EPB41L4A: variants seen among roughly 807,000 people sequenced by gnomAD.
The protein encoded by EPB41L4A is band 4.1-like protein 4A.
A neutral mutation model predicts 108.6 loss-of-function variants in EPB41L4A; 100 were observed. The observed-to-expected ratio is 0.92, with a 90% confidence interval of 0.78 to 1.09. The LOEUF is 1.09. EPB41L4A is among the 50% of genes least tolerant of loss of function. EPB41L4A has a pLI of 0.00. For missense variants in EPB41L4A, 1,030 were observed against 842.7 expected, an observed-to-expected ratio of 1.22 and a Z score of -2.75; for synonymous variants, 319 against 289.0, an observed-to-expected ratio of 1.10 and a Z score of -1.05.
At chr5:112,192,056 C>G (rs1309844941) in intron 17 of EPB41L4A, 1 of 152,262 alleles carries the variant, frequency 6.6e-6, no homozygotes, top group Admixed American at 6.5e-5. Context: ...CTGGCTGGAT[C>G]ACACTGTCAG....
intron 1 of EPB41L4A, among the ~76,000 whole-genome samples, chr5:112,396,360 T>C (rs1761351711): frequency 1.3e-5 from 2 of 152,244 alleles, no homozygotes; most frequent in Admixed American, 6.5e-5. Context: ...TTTTAGACTA[T>C]GTCATATTGA....
At chr5:112,268,334 C>T (rs563459498) in intron 4 of EPB41L4A, among the ~76,000 whole-genome samples, 21 of 152,036 alleles carry the variant, frequency 1.4e-4, no homozygotes, top group Non-Finnish European at 2.5e-4. Flanking sequence ...GCTGAGATTG[C>T]GCCACTGCAC....
chr5:112,237,740 T>C (rs976175629), intron 11 of EPB41L4A, among the ~76,000 whole-genome samples: 3 of 152,212 alleles, frequency 2.0e-5, no homozygotes, highest in African/African-American at 2.4e-5. Flanking sequence ...ACAGTCTGTG[T>C]GCTAATGAAC....
intron 1 of EPB41L4A, among the ~76,000 whole-genome samples, chr5:112,399,810 A>C (rs1393762941): frequency 6.6e-6 from 1 of 152,230 alleles, no homozygotes; most frequent in African/African-American, 2.4e-5. Context: ...CTCTGGGCTC[A>C]GCCAGCAGCC....
intron 1 of EPB41L4A, among the ~76,000 whole-genome samples, chr5:112,372,886 A>G (rs978331478): frequency 6.6e-6 from 1 of 152,226 alleles, no homozygotes; most frequent in African/African-American, 2.4e-5. Flanking sequence ...GGGTGGAAGC[A>G]GAGATAGAGA....
At chr5:112,212,285 GTTGTTT>G (rs1030533566) in intron 12 of EPB41L4A, among the ~76,000 whole-genome samples, 6 of 144,906 alleles carry the variant, frequency 4.1e-5, no homozygotes, top group African/African-American at 1.3e-4. Flanking sequence ...CCTACCATTA[GTTGTTT>G]TTGTTTTTTT....
At chr5:112,144,356 C>G (rs1580313256) in intron 13 of EPB41L4A, among the ~76,000 whole-genome samples, 1 of 152,168 alleles carries the variant, frequency 6.6e-6, no homozygotes, top group South Asian at 2.1e-4. Context: ...GCAATCACGG[C>G]TCACTGCAAC....
chr5:112,364,532 T>C (rs1758997940), intron 1 of EPB41L4A, among the ~76,000 whole-genome samples: 1 of 152,204 alleles, frequency 6.6e-6, no homozygotes, highest in Non-Finnish European at 1.5e-5. Context: ...GTAAGATAAA[T>C]ACTTGTATTC....
In EPB41L4A at chr5:112,403,205, T is replaced by C. The variant is rs148714082; in HGVS notation, c.99+15736A>G. ...TTCTCTGGGAATCTGTGTCTGTTTC[T>C]ATGACACTGTCAAAACCTGCTTTCC... On this transcript the variant is annotated intron_variant, in intron 1 of 22. Coordinates refer to ENST00000261486, the MANE Select transcript of EPB41L4A (RefSeq NM_022140.5). Among the ~76,000 whole-genome samples, 470 of 152,252 alleles carry C rather than the reference T, an allele frequency of 3.1e-3. 2 individuals carry two copies. Among genetic ancestry groups the C allele is most frequent in the African/African-American group, 0.011 (452 of 41,530 alleles).
At chr5:112,302,964 G>A (rs1384547876) in intron 2 of EPB41L4A, among the ~76,000 whole-genome samples, 1 of 152,130 alleles carries the variant, frequency 6.6e-6, no homozygotes, top group East Asian at 1.9e-4. Context: ...AGGATACTGT[G>A]CTTCTCATGA....
At chr5:112,230,389 C>G (rs1343681133) in intron 12 of EPB41L4A, among the ~76,000 whole-genome samples, 1 of 149,484 alleles carries the variant, frequency 6.7e-6, no homozygotes, top group Non-Finnish European at 1.5e-5. Flanking sequence ...ACACCAACAT[C>G]TATTATTTTT....
At chr5:112,253,152 A>G (rs1434022881) in intron 9 of EPB41L4A, among the ~76,000 whole-genome samples, 1 of 152,206 alleles carries the variant, frequency 6.6e-6, no homozygotes, top group Non-Finnish European at 1.5e-5. Flanking sequence ...ATTAGTTGCA[A>G]GAGAGAAGCA....
At position 112,162,644 on chromosome 5, in the gene EPB41L4A, G is replaced by A. The variant is rs190650076; in HGVS notation, c.*2346C>T. On this transcript the variant is annotated 3_prime_UTR_variant, in exon 23 of 23. Coordinates refer to ENST00000261486, the MANE Select transcript of EPB41L4A (RefSeq NM_022140.5). ...TATAGAGGTATTCAAAAAATTTATTGAAAGCACTGTACTAGGAGCTGAGAA... is the reference window on the plus strand; with the variant it reads ...TATAGAGGTATTCAAAAAATTTATTAAAAGCACTGTACTAGGAGCTGAGAA... 12 of 152,306 alleles carry A rather than the reference G, an allele frequency of 7.9e-5. No homozygotes were observed. The highest frequency in any genetic ancestry group is 7.8e-4 in the Admixed American group (12 of 15,306). 9.4% of individuals were successfully genotyped at this position (152,306 alleles called of 1,614,324 possible). A position where few individuals can be genotyped will look rare whatever the true frequency, so the allele number is the denominator to read the frequency against.
At chr5:112,369,046 T>C (rs1269582039) in intron 1 of EPB41L4A, among the ~76,000 whole-genome samples, 4 of 152,180 alleles carry the variant, frequency 2.6e-5, no homozygotes, top group Non-Finnish European at 5.9e-5. Context: ...TCTCTCCAGC[T>C]ATAGATATTA....
At chr5:112,393,603 C>A (rs1354784190) in intron 1 of EPB41L4A, among the ~76,000 whole-genome samples, 1 of 152,080 alleles carries the variant, frequency 6.6e-6, no homozygotes, top group African/African-American at 2.4e-5. Flanking sequence ...TAATTAATAA[C>A]CTATCAACCA....
At chr5:112,199,580 C>T (rs1451174726) in intron 15 of EPB41L4A, among the ~76,000 whole-genome samples, 4 of 152,174 alleles carry the variant, frequency 2.6e-5, no homozygotes, top group Non-Finnish European at 1.5e-5. Context: ...AAATCAAGCC[C>T]CTGACTTCCA....
At chr5:112,326,728 A>G (rs1292190583) in intron 1 of EPB41L4A, among the ~76,000 whole-genome samples, 5 of 152,132 alleles carry the variant, frequency 3.3e-5, no homozygotes, top group Non-Finnish European at 5.9e-5. Context: ...TTCTGTTTTC[A>G]TTACTACTTC....
Position 112,164,902 on chromosome 5 carries a change from A to C in EPB41L4A, c.*88T>G. On this transcript the variant is annotated 3_prime_UTR_variant, in exon 23 of 23. Coordinates refer to ENST00000261486, the MANE Select transcript of EPB41L4A (RefSeq NM_022140.5). ...CTGAAGAAATACTTGCAGGTCTGAG[A>C]TTTGAATTAAGATACCTATTTCACA... 6 of 1,294,010 alleles carry C rather than the reference A, an allele frequency of 4.6e-6. No homozygotes were observed. Among genetic ancestry groups the C allele is most frequent in the Non-Finnish European group, 5.2e-6 (5 of 966,534 alleles). 80.2% of individuals were successfully genotyped at this position (1,294,010 alleles called of 1,614,324 possible).
intron 18 of EPB41L4A, among the ~76,000 whole-genome samples, chr5:112,172,170 T>C (rs1760616535): frequency 6.6e-6 from 1 of 152,164 alleles, no homozygotes; most frequent in Non-Finnish European, 1.5e-5. Flanking sequence ...GAAATCTTGG[T>C]CTCAGACCAA....
Sources: gnomAD v4.1 joint callset for allele counts (sites outside exome capture counted in the v4.1 genomes callset) on GRCh38, gnomAD v4.1.1 for gene constraint, MANE v1.5 for transcripts, NCBI Gene and HGNC (gene_info 2026-07-23, HGNC 2026-07-21) for gene names.